Variants in FAM120B observed in about 807,000 individuals in gnomAD.
FAM120B encodes the protein constitutive coactivator of peroxisome proliferator-activated receptor gamma.
FAM120B carries 83 observed loss-of-function variants against 96.3 expected under a neutral mutation model. That is an observed-to-expected ratio of 0.86 (90% CI 0.72 to 1.03). FAM120B has a LOEUF of 1.03. FAM120B is among the 50% of genes least tolerant of loss of function. The pLI is 0.00. For synonymous variants in FAM120B, 407 were observed against 402.7 expected (o/e 1.01, Z -0.13); for missense variants, 1,027 against 1,121.2 (o/e 0.92, Z 1.20).
Position 170,317,848 on chromosome 6 carries a change from T to A in FAM120B, c.458T>A (p.Leu153Ter). Reference protein sequence around the residue: ...FALKTLGQETLCSLQEADYEV... With the variant: ...FALKTLGQET Reference sequence around the variant, plus strand: ...CTAAAGACACTGGGCCAGGAAACTTTGTGTTCTTTGCAGGAAGCAGATTAT... The same window carrying A: ...CTAAAGACACTGGGCCAGGAAACTTAGTGTTCTTTGCAGGAAGCAGATTAT... The change falls in exon 2 of 11, where the codon TTG becomes TAG. Residue 153 changes from leucine to a stop codon, truncating the protein, a stop_gained. Coordinates refer to ENST00000476287, the MANE Select transcript of FAM120B (RefSeq NM_032448.3). LOFTEE classifies it high-confidence loss of function. The A allele has an allele frequency of 6.2e-7, 1 of 1,614,234 alleles. No individual in the cohort carries two copies. Among genetic ancestry groups the A allele is most frequent in the Middle Eastern group, 1.6e-4 (1 of 6,062 alleles).
upstream of FAM120B, among the ~76,000 whole-genome samples, chr6:170,293,144 C>T (rs1783922946): frequency 6.6e-6 from 1 of 152,002 alleles, no homozygotes; most frequent in African/African-American, 2.4e-5. Context: ...ATTCTGCTTC[C>T]CTAAGGCACA....
chr6:170,344,995 GAC>G (rs1044511130), intron 4 of FAM120B, among the ~76,000 whole-genome samples: 3 of 152,174 alleles, frequency 2.0e-5, no homozygotes, highest in African/African-American at 7.2e-5. Flanking sequence ...TTTGTAGTTG[GAC>G]ACGAGTGTAT....
chr6:170,353,378 G>T (rs866153655), intron 5 of FAM120B, among the ~76,000 whole-genome samples: 6 of 152,308 alleles, frequency 3.9e-5, no homozygotes, highest in African/African-American at 7.2e-5. Flanking sequence ...GAAAAGGAAG[G>T]ACTCCTTTCT....
At chr6:170,324,806 T>A (rs1290116781) in intron 3 of FAM120B, among the ~76,000 whole-genome samples, 1 of 152,232 alleles carries the variant, frequency 6.6e-6, no homozygotes, top group Non-Finnish European at 1.5e-5. Flanking sequence ...AATAAAATGC[T>A]GTTTTTGCTG....
rs140590111 is a variant in FAM120B at position 170,383,102 on chromosome 6, G to GAA, written c.2284-5171_2284-5170dup. ...ACTGGATACCCATAAGCCAAAAAAA[G>GAA]AAAAAAAAAAAAAAAGGACCTTGTC... On this transcript the variant is annotated intron_variant, in intron 6 of 10. Coordinates refer to ENST00000476287, the MANE Select transcript of FAM120B (RefSeq NM_032448.3). 1.4e-3 allele frequency among the ~76,000 whole-genome samples: 154 copies of GAA among 108,464 alleles called. 1 individual carries two copies. In the South Asian group the frequency reaches 0.022, roughly 16 times the overall value. 71.2% of individuals were successfully genotyped at this position (108,464 alleles called of 152,430 possible). A position where few individuals can be genotyped will look rare whatever the true frequency, so the allele number is the denominator to read the frequency against.
chr6:170,358,718 G>A (rs1046800984), intron 6 of FAM120B, among the ~76,000 whole-genome samples: 22 of 152,224 alleles, frequency 1.4e-4, no homozygotes, highest in African/African-American at 4.6e-4. Flanking sequence ...CCCTCCTGGC[G>A]CGTTGGCTGT....
rs115127081 is a variant in FAM120B at position 170,363,318 on chromosome 6, T to C, written c.2283+5000T>C. On this transcript the variant is annotated intron_variant, in intron 6 of 10. Transcript: ENST00000476287. The surrounding 1 kb of genome is among the most constrained non-coding windows in gnomAD (Gnocchi z 4.5). ...GGAAAAGATGTGAGTTGATGAAAGA[T>C]AAAATTTTACTATAAAATTCAAGCC... Among the ~76,000 whole-genome samples, 195 of 152,364 alleles carry C rather than the reference T, an allele frequency of 1.3e-3. 1 individual carries two copies. Among genetic ancestry groups the C allele is most frequent in the African/African-American group, 4.4e-3 (182 of 41,586 alleles).
At chr6:170,293,662 G>A (rs1464745702), upstream of FAM120B, among the ~76,000 whole-genome samples, 1 of 151,566 alleles carries the variant, frequency 6.6e-6, no homozygotes, top group East Asian at 1.9e-4. Flanking sequence ...TCCTCCTCCT[G>A]TTCTCCTTTT....
intron 9 of FAM120B, among the ~76,000 whole-genome samples, chr6:170,401,774 A>T (rs1778595584): frequency 6.6e-6 from 1 of 152,250 alleles, no homozygotes; most frequent in Non-Finnish European, 1.5e-5. Context: ...GGATATTCAG[A>T]TTAGGGTTGC....
intron 3 of FAM120B, among the ~76,000 whole-genome samples, chr6:170,327,620 A>C (rs546980258): frequency 4.1e-4 from 63 of 151,946 alleles, no homozygotes; most frequent in African/African-American, 1.5e-3. Context: ...CTTTATACAC[A>C]CTGCACACGC....
At chr6:170,369,745 T>C (rs1344653349) in intron 6 of FAM120B, among the ~76,000 whole-genome samples, 1 of 151,586 alleles carries the variant, frequency 6.6e-6, no homozygotes, top group Admixed American at 6.6e-5. Flanking sequence ...AGGAGGTTTC[T>C]CTTGTCCTGG....
chr6:170,293,148 A>C (rs905745639), upstream of FAM120B, among the ~76,000 whole-genome samples: 10 of 152,020 alleles, frequency 6.6e-5, no homozygotes, highest in Admixed American at 3.9e-4. Context: ...TGCTTCCCTA[A>C]GGCACAGGAG....
At chr6:170,388,639 A>G (rs1023462408) in intron 7 of FAM120B, 146 bp downstream of exon 7, 13 of 687,774 alleles carry the variant, frequency 1.9e-5, no homozygotes, top group Admixed American at 5.0e-5. Flanking sequence ...GATTTGAAGC[A>G]TTAGGCTTCT....
chr6:170,295,234 T>A (rs1783968559), upstream of FAM120B: 1 of 576,316 alleles, frequency 1.7e-6, no homozygotes, highest in African/African-American at 1.9e-5. This position sits in a 1 kb window ranked among gnomAD's most constrained non-coding sequence, Gnocchi z 7.8. Context: ...CACGTGAACA[T>A]AGACCTTACC....
At chr6:170,307,034 G>A (rs937135194) in intron 1 of FAM120B, among the ~76,000 whole-genome samples, 192 bp downstream of exon 1, 2 of 152,276 alleles carry the variant, frequency 1.3e-5, no homozygotes, top group East Asian at 3.9e-4. Context: ...CCCCGCTGCC[G>A]AGCCCGTCGT....
rs1460166426 is a variant in FAM120B, at chr6:170,318,877, A to G, written c.1487A>G (p.Glu496Gly). The G allele has an allele frequency of 6.2e-7, 1 of 1,614,232 alleles. No individual in the cohort carries two copies. The highest frequency in any genetic ancestry group is 8.5e-7 in the Non-Finnish European group (1 of 1,180,038). The change falls in exon 2 of 11, where the codon GAA becomes GGA. Residue 496 changes from glutamate (E) to glycine (G), a missense_variant. Glu to Gly is a moderately conservative substitution (Grantham distance 98). Coordinates refer to ENST00000476287, the MANE Select transcript of FAM120B (RefSeq NM_032448.3). ...CGGACAGACCCTGAATCTAGGCAAG[A>G]AATTATGTGTACAGGCCATGAATCC... Reference protein sequence around the residue: ...LIRTDPESRQEIMCTGHESKQ... With the variant: ...LIRTDPESRQGIMCTGHESKQ...
At chr6:170,364,443 C>T (rs1788650100) in intron 6 of FAM120B, among the ~76,000 whole-genome samples, 1 of 152,178 alleles carries the variant, frequency 6.6e-6, no homozygotes, top group African/African-American at 2.4e-5. Context: ...GACTAATGCC[C>T]CTTTGAGGAA....
chr6:170,397,229 G>A (rs1158517689), intron 9 of FAM120B, among the ~76,000 whole-genome samples: 1 of 152,236 alleles, frequency 6.6e-6, no homozygotes, highest in Non-Finnish European at 1.5e-5. Context: ...TGGTGAGGGT[G>A]CTCCCAAGAG....
chr6:170,359,423 A>T lies in FAM120B; in HGVS notation c.2283+1105A>T, dbSNP rs1788195112. Among the ~76,000 whole-genome samples the T allele has an allele frequency of 4.8e-5, 7 of 146,678 alleles. No individual in the cohort carries two copies. The South Asian group carries it at 1.5e-3, about 32-fold the overall frequency. On this transcript the variant is annotated intron_variant, in intron 6 of 10. Coordinates refer to ENST00000476287, the MANE Select transcript of FAM120B (RefSeq NM_032448.3). ...AAAAAAAAAAATCACCTCACAACTT[A>T]TTTTTTTTTTGGTGTTAAGACTCAC...
Sources: gnomAD v4.1 joint callset for allele counts (sites outside exome capture counted in the v4.1 genomes callset) on GRCh38, gnomAD v4.1.1 for gene constraint, Gnocchi (gnomAD v3.1) non-coding constraint, MANE v1.5 for transcripts, NCBI Gene and HGNC (gene_info 2026-07-23, HGNC 2026-07-21) for gene names.